The following TEX36 variants were observed in gnomAD, a reference collection of about 807,000 sequenced individuals.
The protein encoded by TEX36 is testis-expressed protein 36.
A neutral mutation model predicts 13.6 loss-of-function variants in TEX36; 12 were observed. The observed-to-expected ratio is 0.88, with a 90% CI of 0.56 to 1.43. TEX36 has a LOEUF of 1.43. Among genes scored for constraint, TEX36 ranks in the 40% most tolerant of loss-of-function variants. The pLI is 0.00. For missense variants in TEX36, 224 were observed against 228.3 expected, an observed-to-expected ratio of 0.98 and a Z score of 0.12; for synonymous variants, 93 against 83.0, an observed-to-expected ratio of 1.12 and a Z score of -0.65.
intron 3 of TEX36, among the ~76,000 whole-genome samples, chr10:125,594,109 C>T (rs1159389320): frequency 1.3e-5 from 2 of 152,066 alleles, no homozygotes; most frequent in Non-Finnish European, 2.9e-5. Flanking sequence ...GTAGAAGGAC[C>T]CAGCTGCCAT....
intron 1 of TEX36, among the ~76,000 whole-genome samples, chr10:125,680,385 G>C (rs1386982018): frequency 9.9e-5 from 15 of 152,054 alleles, no homozygotes; most frequent in Non-Finnish European, 2.1e-4. Flanking sequence ...TTTTAATTTC[G>C]CTCTTTTAAA....
intron 3 of TEX36, among the ~76,000 whole-genome samples, chr10:125,586,010 C>A (rs1589740838): frequency 6.6e-6 from 1 of 152,282 alleles, no homozygotes; most frequent in East Asian, 1.9e-4. Flanking sequence ...TGCACAGAAG[C>A]CCTGACTTGT....
At chr10:125,591,595 C>T (rs972673102) in intron 3 of TEX36, among the ~76,000 whole-genome samples, 25 of 152,174 alleles carry the variant, frequency 1.6e-4, no homozygotes, top group East Asian at 3.8e-4. Flanking sequence ...TCAATACCCT[C>T]GTGTCTGCCA....
chr10:125,621,663 C>T (rs1219984138), intron 3 of TEX36: 3 of 455,792 alleles, frequency 6.6e-6, no homozygotes, highest in South Asian at 4.6e-5. Context: ...AGAGAAAAGC[C>T]AGCAGTAGCT....
At chr10:125,677,180 A>G (rs1847325913) in intron 1 of TEX36, among the ~76,000 whole-genome samples, 1 of 152,166 alleles carries the variant, frequency 6.6e-6, no homozygotes, top group African/African-American at 2.4e-5. Flanking sequence ...TTTCATGGAG[A>G]AGACCTTTTT....
chr10:125,617,233 T>A (rs1159738949), downstream of TEX36, among the ~76,000 whole-genome samples: 1 of 151,688 alleles, frequency 6.6e-6, no homozygotes, highest in Non-Finnish European at 1.5e-5. Context: ...GTCTTGACTC[T>A]TTATCCAATT....
At chr10:125,581,329 A>G (rs1845879443) in intron 3 of TEX36, among the ~76,000 whole-genome samples, 2 of 151,954 alleles carry the variant, frequency 1.3e-5, no homozygotes, top group Admixed American at 6.6e-5. Flanking sequence ...GAGGGTCCCT[A>G]CCAGAAAGGC....
chr10:125,621,364 C>T (rs1377810726), downstream of TEX36, among the ~76,000 whole-genome samples: 1 of 151,584 alleles, frequency 6.6e-6, no homozygotes, highest in Non-Finnish European at 1.5e-5. Context: ...TTGGCATTTT[C>T]TGTTTTTTTT....
intron 1 of TEX36, among the ~76,000 whole-genome samples, chr10:125,670,107 A>T (rs1363916370): frequency 6.6e-6 from 1 of 152,250 alleles, no homozygotes; most frequent in Non-Finnish European, 1.5e-5. Context: ...TTGGGTATAT[A>T]CCCAGTAACA....
At chr10:125,611,719 T>C (rs759125727) in intron 3 of TEX36, among the ~76,000 whole-genome samples, 10 of 152,196 alleles carry the variant, frequency 6.6e-5, no homozygotes, top group African/African-American at 2.2e-4. Context: ...CTTTAAATGT[T>C]GACAGGGTCA....
At chr10:125,619,200 A>G (rs1846397972), downstream of TEX36, among the ~76,000 whole-genome samples, 1 of 152,132 alleles carries the variant, frequency 6.6e-6, no homozygotes, top group Non-Finnish European at 1.5e-5. Flanking sequence ...GTTGAGTTGC[A>G]CCAAGACAGA....
At chr10:125,611,254 T>G (rs1162914929) in intron 3 of TEX36, among the ~76,000 whole-genome samples, 4 of 152,210 alleles carry the variant, frequency 2.6e-5, no homozygotes, top group Non-Finnish European at 5.9e-5. Flanking sequence ...TGAGTGAAAT[T>G]ACCAAATAGG....
chr10:125,668,097 G>A, intron 1 of TEX36: 1 of 588,108 alleles, frequency 1.7e-6, no homozygotes, highest in East Asian at 2.8e-5. Flanking sequence ...TGTGGTTGGG[G>A]CACCTCTGCA....
At chr10:125,641,484 G>C (rs535902522) in intron 3 of TEX36, among the ~76,000 whole-genome samples, 1 of 152,190 alleles carries the variant, frequency 6.6e-6, no homozygotes. Flanking sequence ...TGCACAAAAA[G>C]TGACTGAAGA....
chr10:125,674,825 G>A (rs753879638), intron 1 of TEX36, among the ~76,000 whole-genome samples: 7 of 152,226 alleles, frequency 4.6e-5, no homozygotes, highest in Non-Finnish European at 8.8e-5. Context: ...TGTCCCAGAG[G>A]GACACTGACC....
At chr10:125,648,744 A>C (rs1846809781) in intron 3 of TEX36, among the ~76,000 whole-genome samples, 1 of 152,202 alleles carries the variant, frequency 6.6e-6, no homozygotes, top group African/African-American at 2.4e-5. Flanking sequence ...CATCGCAAAG[A>C]AGCTAAAAAC....
chr10:125,682,217 C>G (rs929800027), intron 1 of TEX36, among the ~76,000 whole-genome samples: 3 of 152,026 alleles, frequency 2.0e-5, no homozygotes, highest in African/African-American at 7.3e-5. Flanking sequence ...AGTGCTTGGC[C>G]GACAAGGCTA....
intron 3 of TEX36, among the ~76,000 whole-genome samples, chr10:125,625,745 G>A (rs559066525): frequency 2.0e-5 from 3 of 152,218 alleles, no homozygotes; most frequent in Non-Finnish European, 2.9e-5. Flanking sequence ...CCCCAGAGGC[G>A]CAGCCCTGGA....
intron 1 of TEX36, 123 bp from the exon 2 acceptor site, chr10:125,662,100 T>C: frequency 1.9e-5 from 24 of 1,275,420 alleles, no homozygotes; most frequent in Non-Finnish European, 2.6e-5. Flanking sequence ...GCAATGGAAA[T>C]GGCATAATTT....
Sources: gnomAD v4.1 joint callset for allele counts (sites outside exome capture counted in the v4.1 genomes callset) on GRCh38, gnomAD v4.1.1 for gene constraint, MANE v1.5 for transcripts, NCBI Gene and HGNC (gene_info 2026-07-23, HGNC 2026-07-21) for gene names.